RNF212B: variants seen among roughly 807,000 people sequenced by gnomAD.
The protein encoded by RNF212B is E3 ubiquitin-protein ligase RNF212B.
In RNF212B, 52 loss-of-function variants were observed where a neutral mutation model predicts 55.5. That is an observed-to-expected ratio of 0.94 (90% CI 0.75 to 1.18). The LOEUF (loss-of-function observed/expected upper bound fraction) is 1.18, where lower values mean the gene tolerates loss of function less well. Ranked by LOEUF, RNF212B falls within the 50% of genes most tolerant of loss-of-function variation. The pLI is 0.00. For synonymous variants in RNF212B, 99 were observed against 121.4 expected (o/e 0.82, Z 1.21); for missense variants, 289 against 350.4 (o/e 0.82, Z 1.40).
intron 2 of RNF212B, among the ~76,000 whole-genome samples, chr14:23,215,309 T>G (rs1880957969): frequency 6.6e-6 from 1 of 152,192 alleles, no homozygotes; most frequent in Non-Finnish European, 1.5e-5. Flanking sequence ...AAATCTCTTT[T>G]CTTTATAAAT....
At chr14:23,244,173 C>T (rs534150544) in intron 3 of RNF212B, 149 bp from the exon 4 acceptor site, 13 of 533,000 alleles carry the variant, frequency 2.4e-5, no homozygotes, top group African/African-American at 2.1e-4. Context: ...ATATAATGTA[C>T]ATCTAGAAGA....
intron 4 of RNF212B, among the ~76,000 whole-genome samples, chr14:23,246,862 C>T (rs1031507087): frequency 2.0e-5 from 3 of 152,104 alleles, no homozygotes; most frequent in Non-Finnish European, 4.4e-5. Context: ...AATTGTTGGC[C>T]GGGTGTGGTG....
At chr14:23,236,780 G>A (rs1883135234), upstream of RNF212B, among the ~76,000 whole-genome samples, 1 of 151,772 alleles carries the variant, frequency 6.6e-6, no homozygotes, top group Admixed American at 6.6e-5. Context: ...TACTCTAAGT[G>A]GATTCCTCAG....
chr14:23,201,113 G>C (rs1181046014), intron 2 of RNF212B, among the ~76,000 whole-genome samples: 1 of 152,136 alleles, frequency 6.6e-6, no homozygotes, highest in Non-Finnish European at 1.5e-5. Flanking sequence ...AAAAAGATTA[G>C]TTCAGTCCAT....
rs74347789 is a variant in RNF212B, at chr14:23,260,650, C to T, written c.406-9C>T. ...CAGCTTTCTTCACTCCTGGTTTTTT[C>T]ACCTATAGGAATCTCCAAGTCGGTA... On this transcript the variant is annotated splice_polypyrimidine_tract_variant and intron_variant, in intron 6 of 14. Coordinates refer to ENST00000430154, the MANE Select transcript of RNF212B (RefSeq NM_001282322.3). The T allele has an allele frequency of 1.3e-3, 1,961 of 1,550,318 alleles. 26 individuals carry two copies. The African/African-American group carries it at 0.024, about 19-fold the overall frequency.
intron 2 of RNF212B, among the ~76,000 whole-genome samples, chr14:23,195,140 T>C (rs1878530765): frequency 6.6e-6 from 1 of 151,976 alleles, no homozygotes; most frequent in South Asian, 2.1e-4. Context: ...AAGTACTGCA[T>C]ATAGGAGCCA....
At chr14:23,243,156 T>C (rs955689851) in intron 2 of RNF212B, 100 bp from the exon 3 acceptor site, 3 of 805,680 alleles carry the variant, frequency 3.7e-6, no homozygotes, top group Admixed American at 5.1e-5. Context: ...CCTTTTTTTC[T>C]TCCTTTGCTA....
At chr14:23,258,793 A>T (rs1005136172) in intron 5 of RNF212B, 129 bp downstream of exon 5, 1 of 451,048 alleles carries the variant, frequency 2.2e-6, no homozygotes, top group Non-Finnish European at 3.9e-6. Flanking sequence ...AAAATCAGGT[A>T]CAGAATTTTT....
intron 13 of RNF212B, among the ~76,000 whole-genome samples, chr14:23,270,379 T>C (rs1402590257): frequency 6.6e-6 from 1 of 152,230 alleles, no homozygotes; most frequent in East Asian, 1.9e-4. Flanking sequence ...ATATTTATAT[T>C]GGCTATTTTC....
chr14:23,195,870 C>T (rs982797093), intron 2 of RNF212B, among the ~76,000 whole-genome samples: 2 of 152,134 alleles, frequency 1.3e-5, no homozygotes, highest in South Asian at 4.1e-4. Context: ...AAGGAGGAAA[C>T]GGGTTCAAAA....
chr14:23,192,351 C>A (rs1388848765), intron 1 of RNF212B, among the ~76,000 whole-genome samples: 1 of 152,152 alleles, frequency 6.6e-6, no homozygotes, highest in Non-Finnish European at 1.5e-5. Context: ...GAATACCATG[C>A]AGCCATAAAA....
At chr14:23,244,537 T>A in intron 4 of RNF212B, 141 bp downstream of exon 4, 1 of 564,652 alleles carries the variant, frequency 1.8e-6, no homozygotes, top group Non-Finnish European at 3.1e-6. Flanking sequence ...TCTTCCTTGA[T>A]GATACAAATT....
chr14:23,202,823 C>G (rs1879440218), intron 2 of RNF212B, among the ~76,000 whole-genome samples: 1 of 146,246 alleles, frequency 6.8e-6, no homozygotes, highest in South Asian at 2.1e-4. Flanking sequence ...GCACTCTAGC[C>G]TGGGCGACAG....
chr14:23,208,797 CG>C lies in RNF212B; in HGVS notation c.-2+15397del, dbSNP rs1880141205. On this transcript the variant is annotated intron_variant, in intron 2 of 15. Transcript: ENST00000399910. ...TTTTTGAGACGGAGTCTCACTCTGT[CG>C]CCCAGGCTGGAGTGCAATGGCGCGA... 4.9e-5 allele frequency among the ~76,000 whole-genome samples: 6 copies of C among 121,500 alleles called. No homozygotes were observed. The South Asian group carries it at 1.8e-3, about 36-fold the overall frequency. The allele number at this position is 121,500 out of a possible 152,430, so 79.7% of individuals were successfully genotyped here. A position where few individuals can be genotyped will look rare whatever the true frequency, so the allele number is the denominator to read the frequency against.
At chr14:23,201,249 G>C (rs767767171) in intron 2 of RNF212B, among the ~76,000 whole-genome samples, 1 of 152,130 alleles carries the variant, frequency 6.6e-6, no homozygotes, top group Non-Finnish European at 1.5e-5. Flanking sequence ...AAGAGCACCT[G>C]TTATAGTTTA....
chr14:23,231,848 GC>G (rs1375334673), intron 2 of RNF212B, among the ~76,000 whole-genome samples: 21 of 152,226 alleles, frequency 1.4e-4, no homozygotes, highest in Non-Finnish European at 2.6e-4. Context: ...CGCTGTGTTG[GC>G]CGGGCTGGTC....
At chr14:23,257,728 G>C (rs1594940971) in intron 4 of RNF212B, among the ~76,000 whole-genome samples, 1 of 152,078 alleles carries the variant, frequency 6.6e-6, no homozygotes, top group Admixed American at 6.5e-5. Flanking sequence ...GGTAAAGTGA[G>C]GCAAAATAAA....
chr14:23,262,785 C>T, intron 8 of RNF212B, 74 bp downstream of exon 8: 1 of 1,466,302 alleles, frequency 6.8e-7, no homozygotes, highest in African/African-American at 1.4e-5. Flanking sequence ...GGTTTCCTCT[C>T]AGAGACAATA....
chr14:23,236,505 ACT>A (rs549669295), upstream of RNF212B, among the ~76,000 whole-genome samples: 87 of 152,192 alleles, frequency 5.7e-4, no homozygotes, highest in African/African-American at 1.9e-3. Flanking sequence ...ACAGAGTGAG[ACT>A]CTGCTTCAAA....
Sources: gnomAD v4.1 joint callset for allele counts (sites outside exome capture counted in the v4.1 genomes callset) on GRCh38, gnomAD v4.1.1 for gene constraint, MANE v1.5 for transcripts, NCBI Gene and HGNC (gene_info 2026-07-23, HGNC 2026-07-21) for gene names.